Variants in ARHGEF6 observed in about 807,000 individuals in gnomAD.
The protein encoded by ARHGEF6 is Rac/Cdc42 guanine nucleotide exchange factor 6.
In ARHGEF6, 9 loss-of-function variants were observed where a neutral mutation model predicts 70.3. The observed-to-expected ratio is 0.13, with a 90% CI of 0.08 to 0.22. The LOEUF is 0.22. Among genes scored for constraint, ARHGEF6 ranks in the 10% least tolerant of loss-of-function variants. The probability of loss-of-function intolerance (pLI) is 1.00; values close to 1 mark genes in which losing one functional copy is unlikely to be tolerated. For missense variants in ARHGEF6, 470 were observed against 563.0 expected (o/e 0.83, Z 1.67); for synonymous variants, 201 against 207.8 (o/e 0.97, Z 0.28).
At chrX:136,680,669 C>T in intron 15 of ARHGEF6, 62 bp downstream of exon 15, 1 of 1,170,800 alleles carries the variant, frequency 8.5e-7, no homozygotes, top group Non-Finnish European at 1.2e-6. Flanking sequence ...TTGTAAGTCT[C>T]CAGCAGGCAG....
chrX:136,746,406 A>G (rs1028544380), intron 3 of ARHGEF6, among the ~76,000 whole-genome samples: 2 of 112,014 alleles, frequency 1.8e-5, no homozygotes, highest in African/African-American at 6.5e-5. Context: ...TTGGAGAAGT[A>G]TTTTTACTTG....
intron 9 of ARHGEF6, among the ~76,000 whole-genome samples, chrX:136,703,516 C>T (rs2076596149): frequency 8.9e-6 from 1 of 112,058 alleles, no homozygotes; most frequent in Non-Finnish European, 1.9e-5. Flanking sequence ...TACAATACTC[C>T]AAACTTTTTT....
chrX:136,727,325 T>TTCTTTTTCTTTC (rs1556284733), intron 6 of ARHGEF6, among the ~76,000 whole-genome samples: 669 of 60,945 alleles, frequency 0.011, 10 homozygotes, highest in East Asian at 0.018. Flanking sequence ...CTTTCTTTCT[T>TTCTTTTTCTTTC]TTTCTTTCTT....
At chrX:136,728,656 A>T (rs1478009573) in intron 6 of ARHGEF6, among the ~76,000 whole-genome samples, 1 of 108,104 alleles carries the variant, frequency 9.3e-6, no homozygotes, top group East Asian at 3.0e-4. Context: ...TTATTTCTGC[A>T]TGTGTCTGTA....
chrX:136,725,594 A>G (rs2076844707), intron 6 of ARHGEF6, among the ~76,000 whole-genome samples: 1 of 111,875 alleles, frequency 8.9e-6, no homozygotes, highest in Non-Finnish European at 1.9e-5. Flanking sequence ...GAAGGGAAGC[A>G]GACAGAGAAG....
intron 6 of ARHGEF6, among the ~76,000 whole-genome samples, chrX:136,716,883 A>G (rs2076742129): frequency 8.9e-6 from 1 of 112,133 alleles, no homozygotes; most frequent in African/African-American, 3.2e-5. Flanking sequence ...AGAATCTTTG[A>G]GCTTGAGAAT....
rs147817236 is a variant in ARHGEF6 at position 136,718,323 on chromosome X, C to T, written c.733-4953G>A. On this transcript the variant is annotated intron_variant, in intron 6 of 21. Transcript: ENST00000250617. ...AGTTCTCCAACAAGACATAACAGTC[C>T]TTAATATGTATGTGCCTAAAAACAG... 1.0e-3 allele frequency among the ~76,000 whole-genome samples: 116 copies of T among 110,893 alleles called. No homozygotes were observed. In the East Asian group the frequency reaches 0.022, roughly 21 times the overall value.
At chrX:136,715,058 G>T (rs2076723721) in intron 6 of ARHGEF6, among the ~76,000 whole-genome samples, 1 of 111,770 alleles carries the variant, frequency 8.9e-6, no homozygotes, top group Admixed American at 9.5e-5. Flanking sequence ...AGAATCACTG[G>T]CTTAGAAGAA....
intron 2 of ARHGEF6, among the ~76,000 whole-genome samples, chrX:136,766,384 G>GT (rs750470948): frequency 3.4e-3 from 312 of 91,358 alleles, no homozygotes; most frequent in Non-Finnish European, 4.7e-3. Context: ...ATTTTGTGAG[G>GT]TTTTTTTTGG....
intron 5 of ARHGEF6, among the ~76,000 whole-genome samples, chrX:136,741,454 C>T (rs1377673464): frequency 9.0e-6 from 1 of 111,036 alleles, no homozygotes; most frequent in Non-Finnish European, 1.9e-5. Flanking sequence ...ATCAGTAAGG[C>T]TTCCAACCAA....
At chrX:136,688,099 T>G (rs977323977) in intron 10 of ARHGEF6, 108 bp from the exon 11 acceptor site, 7 of 577,627 alleles carry the variant, frequency 1.2e-5, no homozygotes, top group East Asian at 3.4e-5. Flanking sequence ...AAGAGAATTT[T>G]GGGGGATGAT....
chrX:136,695,755 T>G (rs773516610), intron 9 of ARHGEF6, among the ~76,000 whole-genome samples: 1 of 112,223 alleles, frequency 8.9e-6, no homozygotes, highest in Non-Finnish European at 1.9e-5. Flanking sequence ...TATGAAAACA[T>G]TCCTGGAAAT....
chrX:136,712,608 T>C (rs1012321297), intron 7 of ARHGEF6, among the ~76,000 whole-genome samples: 4 of 111,965 alleles, frequency 3.6e-5, no homozygotes, highest in African/African-American at 1.3e-4. Flanking sequence ...ATAAATGCAG[T>C]TCACCACTAT....
At chrX:136,771,370 G>A (rs920020490) in intron 2 of ARHGEF6, among the ~76,000 whole-genome samples, 1 of 112,080 alleles carries the variant, frequency 8.9e-6, no homozygotes, top group Non-Finnish European at 1.9e-5. Flanking sequence ...ATGGACATGC[G>A]AGGGATCCAG....
rs572193727 is a variant in ARHGEF6 at position 136,763,682 on chromosome X, G to A, written c.249+15732C>T. On this transcript the variant is annotated intron_variant, in intron 2 of 21. Transcript: ENST00000250617. ...TCTATGAAAAATACAAAAATTAGCC[G>A]GGCGTGGTGGTATGTGCCTGTAATC... 3.8e-3 allele frequency among the ~76,000 whole-genome samples: 424 copies of A among 111,100 alleles called. 1 individual carries two copies. Among genetic ancestry groups the A allele is most frequent in the African/African-American group, 0.012 (362 of 30,522 alleles).
intron 9 of ARHGEF6, among the ~76,000 whole-genome samples, chrX:136,703,389 T>C (rs1419723453): frequency 1.8e-5 from 2 of 112,656 alleles, no homozygotes; most frequent in East Asian, 2.8e-4. Context: ...TCACAGATAA[T>C]TGCATTTTTT....
intron 8 of ARHGEF6, 27 bp downstream of exon 8, chrX:136,708,648 A>C: frequency 3.5e-6 from 4 of 1,148,867 alleles, no homozygotes; most frequent in Admixed American, 2.2e-5. Context: ...GTTGCTGGCT[A>C]TCCTATCAGA....
intron 2 of ARHGEF6, chrX:136,767,063 C>T: frequency 1.3e-6 from 1 of 744,246 alleles, no homozygotes; most frequent in Non-Finnish European, 1.6e-6. Context: ...CGGTTCCTCT[C>T]CAAAGGGGGT....
chrX:136,716,620 T>C (rs1477025116), intron 6 of ARHGEF6, among the ~76,000 whole-genome samples: 2 of 112,022 alleles, frequency 1.8e-5, no homozygotes, highest in African/African-American at 6.5e-5. Flanking sequence ...AAAGCAAGCA[T>C]CAGAACTTAA....
Sources: allele counts gnomAD v4.1 joint callset (sites outside exome capture counted in the v4.1 genomes callset), GRCh38; gene constraint gnomAD v4.1.1; transcripts MANE v1.5; gene names NCBI Gene and HGNC (gene_info 2026-07-23, HGNC 2026-07-21).